Variants in PIEZO2 observed in about 807,000 individuals in gnomAD.
PIEZO2 encodes piezo type mechanosensitive ion channel component 2, also known as piezo-type mechanosensitive ion channel component 2.
Under a neutral mutation model 337.3 loss-of-function variants are expected in PIEZO2, and 172 were observed. That is an observed-to-expected ratio of 0.51 (90% CI 0.45 to 0.58). The LOEUF (loss-of-function observed/expected upper bound fraction) is 0.58, where lower values mean the gene tolerates loss of function less well. Among genes scored for constraint, PIEZO2 ranks in the 20% least tolerant of loss-of-function variants. The pLI, the probability that PIEZO2 is intolerant of heterozygous loss-of-function variation, is 0.00. For missense variants in PIEZO2, 3,028 were observed against 3,391.3 expected, an observed-to-expected ratio of 0.89 and a Z score of 2.66; for synonymous variants, 1,251 against 1,228.5, an observed-to-expected ratio of 1.02 and a Z score of -0.38.
At chr18:10,785,701 C>T (rs957406946) in intron 16 of PIEZO2, among the ~76,000 whole-genome samples, 1 of 152,106 alleles carries the variant, frequency 6.6e-6, no homozygotes, top group Non-Finnish European at 1.5e-5. Context: ...TAAAGCACCT[C>T]TTGAATTGCC....
intron 1 of PIEZO2, among the ~76,000 whole-genome samples, chr18:11,121,671 G>T (rs114739672): frequency 1.3e-5 from 2 of 152,280 alleles, no homozygotes; most frequent in African/African-American, 4.8e-5. Context: ...ATATCTCTTG[G>T]CAAGGCTTTC....
intron 7 of PIEZO2, among the ~76,000 whole-genome samples, chr18:10,842,861 C>A (rs1014333571): frequency 6.6e-6 from 1 of 152,238 alleles, no homozygotes; most frequent in Admixed American, 6.5e-5. Context: ...GAGTAACAAG[C>A]AAGTTTATTA....
rs774519469 is a variant in PIEZO2 at position 11,047,448 on chromosome 18, G to A, written c.160+18679C>T. On this transcript the variant is annotated intron_variant, in intron 2 of 55. Coordinates refer to ENST00000674853, the MANE Select transcript of PIEZO2 (RefSeq NM_001378183.1). The surrounding 1 kb of genome is among the most constrained non-coding windows in gnomAD (Gnocchi z 7.2). ...GGGGAATTGTCCAAGAACAGGGCAA[G>A]GGGCAAGGGGACAGGGACTCCTCTC... 2.0e-5 allele frequency among the ~76,000 whole-genome samples: 3 copies of A among 152,176 alleles called. No individual in the cohort carries two copies. Among genetic ancestry groups the A allele is most frequent in the Admixed American group, 6.5e-5 (1 of 15,282 alleles).
chr18:10,848,499 G>C (rs1055066102), intron 7 of PIEZO2, among the ~76,000 whole-genome samples: 1 of 152,098 alleles, frequency 6.6e-6, no homozygotes, highest in African/African-American at 2.4e-5. Context: ...GATAAAAAAG[G>C]GTAACAGGAC....
chr18:11,066,732 T>TGA (rs1011325758), intron 1 of PIEZO2, among the ~76,000 whole-genome samples: 28 of 152,188 alleles, frequency 1.8e-4, no homozygotes, highest in African/African-American at 6.5e-4. Flanking sequence ...CCCAAGTAGC[T>TGA]GGGATTACAG....
chr18:10,851,628 G>C (rs747613120), intron 7 of PIEZO2, among the ~76,000 whole-genome samples: 4 of 152,162 alleles, frequency 2.6e-5, no homozygotes, highest in African/African-American at 4.8e-5. Flanking sequence ...TTGGTGCCAT[G>C]TATGAGCTAA....
chr18:10,904,975 G>A (rs752419337), intron 4 of PIEZO2, among the ~76,000 whole-genome samples: 18 of 152,046 alleles, frequency 1.2e-4, no homozygotes, highest in Non-Finnish European at 1.9e-4. Context: ...CCCAGGGGTG[G>A]GCAGGAAGCA....
At chr18:11,041,499 C>T (rs1200069752) in intron 2 of PIEZO2, among the ~76,000 whole-genome samples, 1 of 152,176 alleles carries the variant, frequency 6.6e-6, no homozygotes, top group African/African-American at 2.4e-5. Flanking sequence ...GTACTCCACA[C>T]AGTCACTTTC....
At chr18:10,722,774 G>A (rs192229238) in intron 36 of PIEZO2, among the ~76,000 whole-genome samples, 2 of 152,108 alleles carry the variant, frequency 1.3e-5, no homozygotes, top group Non-Finnish European at 2.9e-5. Context: ...TTAAAACCAC[G>A]AGAGTGGATG....
At chr18:10,680,492 T>C in intron 51 of PIEZO2, 121 bp from the exon 52 acceptor site, 1 of 937,014 alleles carries the variant, frequency 1.1e-6, no homozygotes, top group East Asian at 2.6e-5. Flanking sequence ...AAGGGAATAT[T>C]TTTATAATGG....
chr18:11,105,615 G>A lies in PIEZO2; in HGVS notation c.65-39393C>T, dbSNP rs1199568810. Among the ~76,000 whole-genome samples, 1 of 152,034 alleles carries A rather than the reference G, an allele frequency of 6.6e-6. No individual in the cohort carries two copies. Among genetic ancestry groups the A allele is most frequent in the Non-Finnish European group, 1.5e-5 (1 of 68,020 alleles). On this transcript the variant is annotated intron_variant, in intron 1 of 55. Transcript: ENST00000674853. This position sits in a 1 kb window ranked among gnomAD's most constrained non-coding sequence, Gnocchi z 4.3. Reference sequence around the variant, plus strand: ...CAACTATAATCACCTGCACAGTGCTGGAGTCTGACCACATGGTCCCACAGA... The same window carrying A: ...CAACTATAATCACCTGCACAGTGCTAGAGTCTGACCACATGGTCCCACAGA...
At chr18:10,831,441 A>G (rs1402782150) in intron 7 of PIEZO2, among the ~76,000 whole-genome samples, 1 of 152,252 alleles carries the variant, frequency 6.6e-6, no homozygotes, top group African/African-American at 2.4e-5. Context: ...CACACTTTGC[A>G]TATTCTCACT....
chr18:10,761,206 G>A, intron 23 of PIEZO2, 95 bp from the exon 24 acceptor site: 1 of 1,129,944 alleles, frequency 8.8e-7, no homozygotes, highest in Non-Finnish European at 1.3e-6. Context: ...CAAGGACAAT[G>A]TTTTATAAAA....
chr18:10,789,095 C>A lies in PIEZO2; in HGVS notation c.2153G>T (p.Cys718Phe), dbSNP rs1442390138. 1.3e-6 allele frequency: 2 copies of A among 1,536,924 alleles called. No individual in the cohort carries two copies. Among genetic ancestry groups the A allele is most frequent in the Admixed American group, 3.9e-5 (2 of 51,000 alleles). Reference sequence around the variant, plus strand: ...TGTACCTACCTGGTATAGGGCCACACAGAACAGGAACAGCACCATGTAGAT... The same window carrying A: ...TGTACCTACCTGGTATAGGGCCACAAAGAACAGGAACAGCACCATGTAGAT... ...KIIYMVLFLF[C>F]VALYQVHYEW... is the part of the protein sequence containing the mutation. Residue 718 changes from cysteine (C) to phenylalanine (F), a missense_variant, in exon 15 of 56, where the codon TGT becomes TTT. Coordinates refer to ENST00000674853, the MANE Select transcript of PIEZO2 (RefSeq NM_001378183.1).
In PIEZO2 at chr18:11,105,343, C is replaced by T. The variant is rs1216745895; in HGVS notation, c.65-39121G>A. ...TAAAATTCAGACTTACTCCTCTAGA[C>T]TGTAAACCACACAACTAAACTCGAC... On this transcript the variant is annotated intron_variant, in intron 1 of 55. Coordinates refer to ENST00000674853, the MANE Select transcript of PIEZO2 (RefSeq NM_001378183.1). This position sits in a 1 kb window ranked among gnomAD's most constrained non-coding sequence, Gnocchi z 4.3. Among the ~76,000 whole-genome samples, 9 of 152,206 alleles carry T rather than the reference C, an allele frequency of 5.9e-5. No homozygotes were observed. Among genetic ancestry groups the T allele is most frequent in the Admixed American group, 1.3e-4 (2 of 15,280 alleles).
At chr18:11,115,883 A>T (rs1357322788) in intron 1 of PIEZO2, among the ~76,000 whole-genome samples, 3 of 152,214 alleles carry the variant, frequency 2.0e-5, no homozygotes, top group African/African-American at 7.2e-5. Context: ...TGAATGTTAC[A>T]GCCTATGAAG....
At chr18:10,974,289 G>A (rs777390882) in intron 3 of PIEZO2, among the ~76,000 whole-genome samples, 3 of 152,164 alleles carry the variant, frequency 2.0e-5, no homozygotes, top group Non-Finnish European at 4.4e-5. Flanking sequence ...TGGTTGGTGG[G>A]CTTCTGGACC....
In PIEZO2 at chr18:11,132,793, G is replaced by A. The variant is rs1461239911; in HGVS notation, c.64+15732C>T. 2.0e-5 allele frequency among the ~76,000 whole-genome samples: 3 copies of A among 152,082 alleles called. No individual in the cohort carries two copies. The highest frequency in any genetic ancestry group is 4.4e-5 in the Non-Finnish European group (3 of 68,026). The stretch of plus-strand genomic sequence containing the variant: ...AGAAGGGAGTTACAGTGTTGGCTGC[G>A]GTGACTGACCCAGAATCACTGGGTC... On this transcript the variant is annotated intron_variant, in intron 1 of 55. Coordinates refer to ENST00000674853, the MANE Select transcript of PIEZO2 (RefSeq NM_001378183.1). The surrounding 1 kb of genome is among the most constrained non-coding windows in gnomAD (Gnocchi z 4.7).
intron 12 of PIEZO2, among the ~76,000 whole-genome samples, chr18:10,797,000 AC>A (rs773376375): frequency 1.6e-4 from 25 of 151,966 alleles, no homozygotes; most frequent in Admixed American, 3.3e-4. Context: ...TATTATACAT[AC>A]CGTCATAGCA....
Sources: gnomAD v4.1 joint callset for allele counts (sites outside exome capture counted in the v4.1 genomes callset) on GRCh38, gnomAD v4.1.1 for gene constraint, Gnocchi (gnomAD v3.1) non-coding constraint, MANE v1.5 for transcripts, NCBI Gene and HGNC (gene_info 2026-07-23, HGNC 2026-07-21) for gene names.